The following GALNTL6 variants were observed in gnomAD, a reference collection of about 807,000 sequenced individuals.
GALNTL6 encodes polypeptide N-acetylgalactosaminyltransferase like 6, also known as polypeptide N-acetylgalactosaminyltransferase-like 6.
GALNTL6 carries 46 observed loss-of-function variants against 73.7 expected under a neutral mutation model. That is an observed-to-expected ratio of 0.62 (90% CI 0.49 to 0.80). The LOEUF is 0.80. Among genes scored for constraint, GALNTL6 ranks in the 30% least tolerant of loss-of-function variants. The pLI is 0.00. For missense variants in GALNTL6, 604 were observed against 755.0 expected (o/e 0.80, Z 2.34); for synonymous variants, 259 against 263.7 (o/e 0.98, Z 0.17).
At chr4:172,206,989 T>A (rs1214981761) in intron 2 of GALNTL6, among the ~76,000 whole-genome samples, 1 of 151,422 alleles carries the variant, frequency 6.6e-6, no homozygotes, top group African/African-American at 2.4e-5. Context: ...GGCTAGTTTT[T>A]TGTATTTTTA....
intron 5 of GALNTL6, among the ~76,000 whole-genome samples, chr4:172,764,471 TA>T (rs1738293238): frequency 1.3e-5 from 2 of 151,938 alleles, no homozygotes; most frequent in Admixed American, 1.3e-4. Context: ...ATTGTACAGT[TA>T]TTTTTATAAT....
At chr4:172,987,875 A>G (rs1053497153) in intron 10 of GALNTL6, among the ~76,000 whole-genome samples, 8 of 152,122 alleles carry the variant, frequency 5.3e-5, no homozygotes, top group African/African-American at 1.7e-4. Flanking sequence ...AATTCCTACA[A>G]TACTACAGGA....
intron 2 of GALNTL6, among the ~76,000 whole-genome samples, 180 bp from the exon 3 acceptor site, chr4:172,229,476 A>G (rs1000970421): frequency 2.0e-5 from 3 of 152,186 alleles, no homozygotes; most frequent in African/African-American, 7.2e-5. Context: ...AAAGGTTAAA[A>G]AAAAGATTTA....
rs1312390152 is a variant in GALNTL6, at chr4:172,421,191, A to G, written c.553+72502A>G. Among the ~76,000 whole-genome samples, 7 of 152,248 alleles carry G rather than the reference A, an allele frequency of 4.6e-5. No homozygotes were observed. The East Asian group carries it at 1.4e-3, about 29-fold the overall frequency. On this transcript the variant is annotated intron_variant, in intron 5 of 12. Transcript: ENST00000506823. ...AAATAAAATAAAGTAAAAATAAAAA[A>G]TGGCAGGATATCTCTATCCCTGTCA...
intron 7 of GALNTL6, among the ~76,000 whole-genome samples, chr4:172,841,303 T>C (rs140336919): frequency 2.0e-5 from 3 of 152,312 alleles, no homozygotes; most frequent in African/African-American, 7.2e-5. Flanking sequence ...TTTCAAGTGT[T>C]CCGTGCATAT....
chr4:172,930,912 T>G (rs1748297568), intron 8 of GALNTL6, among the ~76,000 whole-genome samples: 1 of 152,136 alleles, frequency 6.6e-6, no homozygotes, highest in Non-Finnish European at 1.5e-5. Context: ...TGATCCTCCC[T>G]CCTTGGCCTC....
At chr4:172,191,567 A>T (rs888825652) in intron 2 of GALNTL6, among the ~76,000 whole-genome samples, 1 of 152,154 alleles carries the variant, frequency 6.6e-6, no homozygotes, top group Non-Finnish European at 1.5e-5. Context: ...TACACTTTGG[A>T]TTCACTTCAG....
chr4:172,598,515 T>C (rs1737944707), intron 5 of GALNTL6, among the ~76,000 whole-genome samples: 1 of 152,142 alleles, frequency 6.6e-6, no homozygotes, highest in South Asian at 2.1e-4. Flanking sequence ...AGTGCCAGTT[T>C]GACATTTCCA....
chr4:173,021,743 T>C, intron 12 of GALNTL6, 118 bp downstream of exon 12: 2 of 1,046,664 alleles, frequency 1.9e-6, no homozygotes, highest in Non-Finnish European at 2.8e-6. Context: ...CCTGTAATCC[T>C]GGCACTCTGG....
At chr4:172,608,730 C>T (rs1322071935) in intron 5 of GALNTL6, among the ~76,000 whole-genome samples, 1 of 151,790 alleles carries the variant, frequency 6.6e-6, no homozygotes, top group Non-Finnish European at 1.5e-5. Flanking sequence ...TGCTTTGGGC[C>T]TTGAGGCCAT....
chr4:171,967,769 T>C (rs911890143), intron 2 of GALNTL6, among the ~76,000 whole-genome samples: 1 of 152,150 alleles, frequency 6.6e-6, no homozygotes, highest in African/African-American at 2.4e-5. Flanking sequence ...CCATTAAAAG[T>C]AACAAAAGAA....
intron 2 of GALNTL6, among the ~76,000 whole-genome samples, chr4:171,833,531 A>AT (rs1360290410): frequency 1.3e-5 from 2 of 151,600 alleles, no homozygotes; most frequent in Non-Finnish European, 3.0e-5. Flanking sequence ...TAGATTCTGC[A>AT]TTTTTTTGAG....
chr4:172,207,270 A>G (rs58020479), intron 2 of GALNTL6, among the ~76,000 whole-genome samples: 61,014 of 151,890 alleles, frequency 0.4, 12,580 homozygotes, highest in African/African-American at 0.45. Flanking sequence ...AAATGTGCAC[A>G]ATCTGAGTTA....
At chr4:172,285,578 G>A (rs932452852) in intron 3 of GALNTL6, among the ~76,000 whole-genome samples, 1 of 152,234 alleles carries the variant, frequency 6.6e-6, no homozygotes, top group Non-Finnish European at 1.5e-5. Context: ...TCTGTCAAGC[G>A]CATTGGCTTA....
At chr4:172,178,054 G>A (rs1366628577) in intron 2 of GALNTL6, among the ~76,000 whole-genome samples, 1 of 151,786 alleles carries the variant, frequency 6.6e-6, no homozygotes, top group Non-Finnish European at 1.5e-5. Context: ...GATGTCACAT[G>A]GTGTAATGTA....
At chr4:172,864,136 C>T (rs1744541440) in intron 7 of GALNTL6, among the ~76,000 whole-genome samples, 1 of 152,192 alleles carries the variant, frequency 6.6e-6, no homozygotes, top group Non-Finnish European at 1.5e-5. Context: ...AATTAAACCT[C>T]TTTCCGTTAT....
intron 5 of GALNTL6, among the ~76,000 whole-genome samples, chr4:172,744,793 G>A (rs2110753079): frequency 6.6e-6 from 1 of 151,738 alleles, no homozygotes; most frequent in East Asian, 1.9e-4. Context: ...ATCTCATAGT[G>A]CCATTTCAAA....
At chr4:172,909,613 A>C (rs1287609550) in intron 8 of GALNTL6, among the ~76,000 whole-genome samples, 1 of 152,120 alleles carries the variant, frequency 6.6e-6, no homozygotes, top group Non-Finnish European at 1.5e-5. Context: ...GATTTGCAAC[A>C]ATCAAGAACT....
At chr4:172,677,650 C>T (rs187344788) in intron 5 of GALNTL6, among the ~76,000 whole-genome samples, 1 of 152,062 alleles carries the variant, frequency 6.6e-6, no homozygotes, top group African/African-American at 2.4e-5. Flanking sequence ...TGGCCAGCCA[C>T]GGTGGCCAAC....
Sources: gnomAD v4.1 joint callset for allele counts (sites outside exome capture counted in the v4.1 genomes callset) on GRCh38, gnomAD v4.1.1 for gene constraint, MANE v1.5 for transcripts, NCBI Gene and HGNC (gene_info 2026-07-23, HGNC 2026-07-21) for gene names.